Variants in KCNQ1 observed in about 807,000 individuals in gnomAD.
KCNQ1 encodes potassium voltage-gated channel subfamily Q member 1.
KCNQ1 carries 49 observed loss-of-function variants against 72.4 expected under a neutral mutation model. The observed-to-expected ratio is 0.68, with a 90% CI of 0.54 to 0.86. The LOEUF (loss-of-function observed/expected upper bound fraction) is 0.86, where lower values mean the gene tolerates loss of function less well. Ranked by LOEUF, KCNQ1 falls within the 40% of genes least tolerant of loss-of-function variation. The pLI, the probability that KCNQ1 is intolerant of heterozygous loss-of-function variation, is 0.00. For synonymous variants in KCNQ1, 450 were observed against 412.6 expected (o/e 1.09, Z -1.10); for missense variants, 790 against 945.1 (o/e 0.84, Z 2.15).
At chr11:2,743,517 G>C (rs1190946200) in intron 11 of KCNQ1, among the ~76,000 whole-genome samples, 1 of 152,198 alleles carries the variant, frequency 6.6e-6, no homozygotes, top group Non-Finnish European at 1.5e-5. Context: ...CAGCTCCCCG[G>C]CATGCAGCTC....
At chr11:2,622,880 C>T (rs1849198355) in intron 10 of KCNQ1, 4 of 398,658 alleles carry the variant, frequency 1.0e-5, no homozygotes, top group Middle Eastern at 6.3e-4. Flanking sequence ...TGCATTTACA[C>T]ATTATTATCA....
In KCNQ1 at chr11:2,734,632, G is replaced by T. The variant is rs1280606986; in HGVS notation, c.1515-34212G>T. 1.3e-5 allele frequency among the ~76,000 whole-genome samples: 2 copies of T among 151,992 alleles called. No individual in the cohort carries two copies. Among genetic ancestry groups the T allele is most frequent in the Non-Finnish European group, 2.9e-5 (2 of 67,980 alleles). On this transcript the variant is annotated intron_variant, in intron 11 of 15. Coordinates refer to ENST00000155840, the MANE Select transcript of KCNQ1 (RefSeq NM_000218.3). The surrounding 1 kb of genome is among the most constrained non-coding windows in gnomAD (Gnocchi z 7.0). ...TTTTCCGAGGCCCTGAAGGACTGGA[G>T]AGTAGGAGCAGGTCTCGGGGGTAGC...
intron 2 of KCNQ1, among the ~76,000 whole-genome samples, chr11:2,555,511 C>T (rs1046353147): frequency 2.6e-5 from 4 of 152,240 alleles, no homozygotes; most frequent in African/African-American, 9.6e-5. Flanking sequence ...TGTCTGCAGC[C>T]AGGCGTGGGC....
At chr11:2,778,702 G>C (rs576860651) in intron 15 of KCNQ1, among the ~76,000 whole-genome samples, 1 of 152,352 alleles carries the variant, frequency 6.6e-6, no homozygotes, top group South Asian at 2.1e-4. Flanking sequence ...TCTGTGGTTT[G>C]AAGCGGGCTG....
intron 15 of KCNQ1, among the ~76,000 whole-genome samples, chr11:2,811,852 T>C (rs4930008): frequency 0.24 from 37,163 of 152,142 alleles, 5,650 homozygotes; most frequent in East Asian, 0.42. Context: ...TGGAAAACGG[T>C]GCTCAGTGAG....
Position 2,663,166 on chromosome 11 carries a change from A to T in KCNQ1, c.1514+1085A>T. ...GCCCACTGTCTTTCCAGGCCCCCCC[A>T]GTTCACAGAGAGGTTGGCAGTACCT... On this transcript the variant is annotated intron_variant, in intron 11 of 15. Transcript: ENST00000155840. The surrounding 1 kb of genome is among the most constrained non-coding windows in gnomAD (Gnocchi z 5.2). 1 of 398,744 alleles carries T rather than the reference A, an allele frequency of 2.5e-6. No homozygotes were observed. Among genetic ancestry groups the T allele is most frequent in the Non-Finnish European group, 4.4e-6 (1 of 226,172 alleles). The allele number at this position is 398,744 out of a possible 1,614,324, so 24.7% of individuals were successfully genotyped here.
chr11:2,570,782 A>C (rs745362470), intron 3 of KCNQ1, 28 bp downstream of exon 3: 2 of 1,607,222 alleles, frequency 1.2e-6, no homozygotes, highest in East Asian at 2.2e-5. Flanking sequence ...TGTGGAGGTC[A>C]CGCCCAGGTT....
At chr11:2,776,663 G>A (rs1327319172) in intron 13 of KCNQ1, among the ~76,000 whole-genome samples, 1 of 152,166 alleles carries the variant, frequency 6.6e-6, no homozygotes, top group Non-Finnish European at 1.5e-5. Context: ...CTGGGAGCCC[G>A]TGTCCATCCT....
rs1846876052 is a variant in KCNQ1 at position 2,784,328 on chromosome 11, G to A, written c.1794+6291G>A. On this transcript the variant is annotated intron_variant, in intron 15 of 15. Transcript: ENST00000155840. This position sits in a 1 kb window ranked among gnomAD's most constrained non-coding sequence, Gnocchi z 4.7. ...AAATCAATTGACCATAAATTTATAG[G>A]TTTATTTCTGGATTTTCAATTCTAT... 1.3e-5 allele frequency among the ~76,000 whole-genome samples: 2 copies of A among 151,726 alleles called. No homozygotes were observed. The highest frequency in any genetic ancestry group is 3.8e-4 in the East Asian group (2 of 5,196).
intron 15 of KCNQ1, among the ~76,000 whole-genome samples, chr11:2,812,854 C>G (rs1176035698): frequency 2.6e-5 from 4 of 152,256 alleles, no homozygotes; most frequent in Non-Finnish European, 5.9e-5. Context: ...GGCCTCTGTG[C>G]CTGTGTGAGT....
chr11:2,841,100 G>A (rs558992556), intron 15 of KCNQ1, among the ~76,000 whole-genome samples: 26 of 152,308 alleles, frequency 1.7e-4, no homozygotes, highest in Admixed American at 7.2e-4. Flanking sequence ...TTCAGGGAGT[G>A]GTGAAGGCTT....
rs1207195691 is a variant in KCNQ1 at position 2,642,785 on chromosome 11, A to G, written c.1394-19176A>G. ...ATTTAAGATCTTTTCTACCTTTTTT[A>G]ATGGAGGCATTTATTACAATAAACT... is the stretch of plus-strand genomic sequence containing the variant. On this transcript the variant is annotated intron_variant, in intron 10 of 15. Coordinates refer to ENST00000155840, the MANE Select transcript of KCNQ1 (RefSeq NM_000218.3). The surrounding 1 kb of genome is among the most constrained non-coding windows in gnomAD (Gnocchi z 4.3). 1 of 397,506 alleles carries G rather than the reference A, an allele frequency of 2.5e-6. No homozygotes were observed. Among genetic ancestry groups the G allele is most frequent in the Non-Finnish European group, 4.4e-6 (1 of 225,606 alleles). 24.6% of individuals were successfully genotyped at this position (397,506 alleles called of 1,614,324 possible).
Position 2,486,309 on chromosome 11 carries a change from C to T in KCNQ1, c.386+40825C>T, listed in dbSNP as rs1037071704. Among the ~76,000 whole-genome samples, 2 of 152,106 alleles carry T rather than the reference C, an allele frequency of 1.3e-5. No individual in the cohort carries two copies. Among genetic ancestry groups the T allele is most frequent in the African/African-American group, 4.8e-5 (2 of 41,420 alleles). On this transcript the variant is annotated intron_variant, in intron 1 of 15. Transcript: ENST00000155840. This position sits in a 1 kb window ranked among gnomAD's most constrained non-coding sequence, Gnocchi z 5.0. ...TTTGTATATCTTCTTTGGAGAATAT[C>T]TCCTCAGCTCTTTTGCCCACTTCAT...
rs1220080032 is a variant in KCNQ1 at position 2,563,532 on chromosome 11, C to T, written c.478-7096C>T. Among the ~76,000 whole-genome samples the T allele has an allele frequency of 6.6e-6, 1 of 152,240 alleles. No homozygotes were observed. The highest frequency in any genetic ancestry group is 2.4e-5 in the African/African-American group (1 of 41,456). On this transcript the variant is annotated intron_variant, in intron 2 of 15. Transcript: ENST00000155840. The surrounding 1 kb of genome is among the most constrained non-coding windows in gnomAD (Gnocchi z 7.4). ...ACCTTGAGCTTCCATTTTCCTTCCG[C>T]ACCATGCACTGATTTCCCCTGGGTT... is the stretch of plus-strand genomic sequence containing the variant.
intron 10 of KCNQ1, chr11:2,619,249 G>C: frequency 2.5e-6 from 1 of 398,516 alleles, no homozygotes; most frequent in Non-Finnish European, 4.4e-6. Context: ...TCCTTGCCTT[G>C]TACTGGTTCA....
At chr11:2,754,752 A>T (rs910339171) in intron 11 of KCNQ1, among the ~76,000 whole-genome samples, 1 of 152,226 alleles carries the variant, frequency 6.6e-6, no homozygotes, top group Non-Finnish European at 1.5e-5. Context: ...CTCTTACTGG[A>T]TAATATACGT....
At position 2,690,981 on chromosome 11, in the gene KCNQ1, C is replaced by A. The variant is rs184450087; in HGVS notation, c.1514+28900C>A. ...ACGGGTATGTGTCAACAAAAGCCCACCAGACCATCAATGAAGTGGGCAAAA... is the reference window on the plus strand; with the variant it reads ...ACGGGTATGTGTCAACAAAAGCCCAACAGACCATCAATGAAGTGGGCAAAA... On this transcript the variant is annotated intron_variant, in intron 11 of 15. Transcript: ENST00000155840. The surrounding 1 kb of genome is among the most constrained non-coding windows in gnomAD (Gnocchi z 5.1). 1 of 398,642 alleles carries A rather than the reference C, an allele frequency of 2.5e-6. No individual in the cohort carries two copies. The highest frequency in any genetic ancestry group is 3.6e-5 in the East Asian group (1 of 28,088). The allele number at this position is 398,642 out of a possible 1,614,324, so 24.7% of individuals were successfully genotyped here.
At chr11:2,622,032 T>G in intron 10 of KCNQ1, 1 of 397,832 alleles carries the variant, frequency 2.5e-6, no homozygotes, top group Non-Finnish European at 4.4e-6. Flanking sequence ...CTCTTAGAAC[T>G]GCTTTTGCTG....
chr11:2,839,159 C>G (rs1159147432), intron 15 of KCNQ1, among the ~76,000 whole-genome samples: 1 of 152,134 alleles, frequency 6.6e-6, no homozygotes, highest in Non-Finnish European at 1.5e-5. Context: ...CCATCCCAGC[C>G]TGGGGCTTCC....
Sources: gnomAD v4.1 joint callset for allele counts (sites outside exome capture counted in the v4.1 genomes callset) on GRCh38, gnomAD v4.1.1 for gene constraint, Gnocchi (gnomAD v3.1) non-coding constraint, MANE v1.5 for transcripts, NCBI Gene and HGNC (gene_info 2026-07-23, HGNC 2026-07-21) for gene names.